ABCC9: variants seen among roughly 807,000 people sequenced by gnomAD.
The protein encoded by ABCC9 is ATP-binding cassette sub-family C member 9.
ABCC9 carries 95 observed loss-of-function variants against 188.3 expected under a neutral mutation model. That is an observed-to-expected ratio of 0.50 (90% confidence interval 0.43 to 0.60). The LOEUF (loss-of-function observed/expected upper bound fraction) is 0.60, where lower values mean the gene tolerates loss of function less well. Ranked by LOEUF, ABCC9 falls within the 20% of genes least tolerant of loss-of-function variation. The pLI is 0.00. For missense variants in ABCC9, 1,102 were observed against 1,876.3 expected, an observed-to-expected ratio of 0.59 and a Z score of 7.62; for synonymous variants, 659 against 652.7, an observed-to-expected ratio of 1.01 and a Z score of -0.15.
In ABCC9 at chr12:21,913,069, GAAGAAAAAAAA is replaced by G. The variant is rs774857795; in HGVS notation, c.817-14_817-4del. On this transcript the variant is annotated splice_region_variant and splice_polypyrimidine_tract_variant and intron_variant, in intron 7 of 39. Coordinates refer to ENST00000261200, the MANE Select transcript of ABCC9 (RefSeq NM_020297.4). ...TTTGGATGATCTGCAACTTTTTTCT[GAAGAAAAAAAA>G]AAGAAAAAAAAAACAGATGTAACAA... 269 of 1,512,556 alleles carry G rather than the reference GAAGAAAAAAAA, an allele frequency of 1.8e-4. No individual in the cohort carries two copies. Among genetic ancestry groups the G allele is most frequent in the East Asian group, 1.6e-3 (66 of 40,654 alleles). 93.7% of individuals were successfully genotyped at this position (1,512,556 alleles called of 1,614,324 possible).
At chr12:21,814,780 C>CTT (rs1942492079) in intron 34 of ABCC9, 58 bp from the exon 35 acceptor site, 1 of 1,441,792 alleles carries the variant, frequency 6.9e-7, no homozygotes, top group Admixed American at 1.7e-5. Flanking sequence ...AGAAGATTAG[C>CTT]TTAAGTTTTG....
intron 22 of ABCC9, among the ~76,000 whole-genome samples, chr12:21,853,913 G>A (rs551078137): frequency 9.2e-5 from 14 of 152,198 alleles, no homozygotes; most frequent in Admixed American, 7.2e-4. Flanking sequence ...AAGAGTTAAT[G>A]GAACAGTGGG....
At position 21,924,694 on chromosome 12, in the gene ABCC9, C is replaced by G. The variant is rs1948980118; in HGVS notation, c.406+1248G>C. The G allele has an allele frequency of 3.3e-5, 5 of 151,984 alleles. 1 individual carries two copies. Among genetic ancestry groups the G allele is most frequent in the Admixed American group, 3.3e-4 (5 of 15,230 alleles). 9.4% of individuals were successfully genotyped at this position (151,984 alleles called of 1,614,324 possible). On this transcript the variant is annotated intron_variant, in intron 5 of 39. Transcript: ENST00000261200. The stretch of plus-strand genomic sequence containing the variant: ...TTATAACCTTTCTTTTTACCATCAA[C>G]TTTTCAAAAATAGATATTTAGCTTA...
chr12:21,843,482 A>G (rs1944490899), intron 28 of ABCC9, among the ~76,000 whole-genome samples: 1 of 152,146 alleles, frequency 6.6e-6, no homozygotes, highest in African/African-American at 2.4e-5. Flanking sequence ...GGGATTGTTG[A>G]ACATATTTTC....
chr12:21,801,551 C>T (rs897330697), intron 39 of ABCC9, among the ~76,000 whole-genome samples: 1 of 152,202 alleles, frequency 6.6e-6, no homozygotes, highest in Non-Finnish European at 1.5e-5. Flanking sequence ...ATAATTATCT[C>T]TTGTGTACAG....
intron 31 of ABCC9, among the ~76,000 whole-genome samples, chr12:21,819,937 C>T (rs1565698743): frequency 1.3e-5 from 2 of 152,258 alleles, no homozygotes; most frequent in Middle Eastern, 6.8e-3. Flanking sequence ...ACTTGCCACA[C>T]CCCTACTAGA....
At chr12:21,863,093 T>C (rs376959001) in intron 19 of ABCC9, 39 bp from the exon 20 acceptor site, 423 of 1,338,406 alleles carry the variant, frequency 3.2e-4, no homozygotes, top group Non-Finnish European at 4.3e-4. Flanking sequence ...ACCAGGATTA[T>C]GCAAAGGTAC....
intron 25 of ABCC9, among the ~76,000 whole-genome samples, 165 bp downstream of exon 25, chr12:21,847,985 T>C (rs1183877712): frequency 6.6e-6 from 1 of 152,174 alleles, no homozygotes; most frequent in Non-Finnish European, 1.5e-5. Context: ...ATGGATTACA[T>C]CCACCTTTCC....
intron 10 of ABCC9, among the ~76,000 whole-genome samples, chr12:21,909,714 G>C (rs1358421307): frequency 6.6e-6 from 1 of 151,872 alleles, no homozygotes; most frequent in African/African-American, 2.4e-5. Flanking sequence ...CAAAATAAAA[G>C]GGGTCAAACC....
At chr12:21,913,178 G>A in intron 7 of ABCC9, 112 bp from the exon 8 acceptor site, 1 of 965,040 alleles carries the variant, frequency 1.0e-6, no homozygotes, top group African/African-American at 1.7e-5. Context: ...ATACTTTAAG[G>A]GTTTAAAAAT....
At chr12:21,892,348 T>C (rs1947198529) in intron 14 of ABCC9, among the ~76,000 whole-genome samples, 2 of 152,212 alleles carry the variant, frequency 1.3e-5, no homozygotes, top group South Asian at 4.1e-4. Flanking sequence ...AGTTATCAAC[T>C]GCTTTTCTAT....
chr12:21,895,311 G>A lies in ABCC9; in HGVS notation c.1623C>T (p.Phe541=). The A allele has an allele frequency of 6.2e-7, 1 of 1,613,340 alleles. No homozygotes were observed. Among genetic ancestry groups the A allele is most frequent in the Non-Finnish European group, 8.5e-7 (1 of 1,179,352 alleles). The change falls in exon 13 of 40, where the codon TTC becomes TTT. Residue 541 remains phenylalanine, a synonymous_variant. Transcript: ENST00000261200. The part of the protein sequence containing the change: ...TFALYTSLSI[F]MNAAIPIAAV... ...CTGCTATGGGAATTGCTGCATTCATGAAGACTGTGGAAAGAAATAAAATGC... is the reference window on the plus strand; with the variant it reads ...CTGCTATGGGAATTGCTGCATTCATAAAGACTGTGGAAAGAAATAAAATGC...
chr12:21,870,289 CTCTG>C (rs1457401918), intron 18 of ABCC9, among the ~76,000 whole-genome samples: 20 of 151,720 alleles, frequency 1.3e-4, no homozygotes, highest in Non-Finnish European at 2.8e-4. Flanking sequence ...AATGGTCTCA[CTCTG>C]TCGCCCAGGC....
At chr12:21,921,796 C>T (rs1284002696) in intron 5 of ABCC9, among the ~76,000 whole-genome samples, 1 of 151,960 alleles carries the variant, frequency 6.6e-6, no homozygotes, top group Non-Finnish European at 1.5e-5. Flanking sequence ...ATATGGATAT[C>T]CAGTTTTCCC....
rs1941802403 is a variant in ABCC9 at position 21,805,884 on chromosome 12, C to T, written c.4512+114G>A. The T allele has an allele frequency of 7.8e-6, 8 of 1,030,740 alleles. No individual in the cohort carries two copies. In the East Asian group the frequency reaches 1.7e-4, roughly 21 times the overall value. 63.8% of individuals were successfully genotyped at this position (1,030,740 alleles called of 1,614,324 possible). ...TTTCTTTTTTGCACAGATACAGAAA[C>T]ATTAGCAGAGAAATACATAATTCAA... On this transcript the variant is annotated intron_variant, in intron 39 of 39. Transcript: ENST00000261200.
At chr12:21,883,713 A>G (rs1946737880) in intron 15 of ABCC9, among the ~76,000 whole-genome samples, 2 of 71,984 alleles carry the variant, frequency 2.8e-5, no homozygotes, top group African/African-American at 5.6e-5. Flanking sequence ...TGACAAAAGC[A>G]TAAAGATCTA....
chr12:21,919,711 A>T (rs1013455967), intron 5 of ABCC9, among the ~76,000 whole-genome samples: 6 of 152,058 alleles, frequency 3.9e-5, no homozygotes, highest in Non-Finnish European at 8.8e-5. Flanking sequence ...AGATAAAATT[A>T]ACCTTATACA....
intron 12 of ABCC9, among the ~76,000 whole-genome samples, chr12:21,898,044 G>A (rs1224107355): frequency 6.6e-6 from 1 of 152,158 alleles, no homozygotes; most frequent in Non-Finnish European, 1.5e-5. Flanking sequence ...GCTCATGCCT[G>A]TAATCCCACC....
At chr12:21,808,610 A>T (rs546253481) in intron 37 of ABCC9, among the ~76,000 whole-genome samples, 2 of 152,062 alleles carry the variant, frequency 1.3e-5, no homozygotes, top group South Asian at 4.2e-4. Context: ...AGACATCAAA[A>T]AACTATTATG....
Sources: gnomAD v4.1 joint callset for allele counts (sites outside exome capture counted in the v4.1 genomes callset) on GRCh38, gnomAD v4.1.1 for gene constraint, MANE v1.5 for transcripts, NCBI Gene and HGNC (gene_info 2026-07-23, HGNC 2026-07-21) for gene names.